Variants in CCDC91 observed in about 807,000 individuals in gnomAD.
The protein encoded by CCDC91 is coiled-coil domain containing 91.
Under a neutral mutation model 63.2 loss-of-function variants are expected in CCDC91, and 48 were observed. The ratio of observed to expected loss-of-function variants is 0.76; its 90% CI spans 0.60 to 0.97. The LOEUF (loss-of-function observed/expected upper bound fraction) is 0.97, where lower values mean the gene tolerates loss of function less well. CCDC91 is among the 50% of genes least tolerant of loss of function. The probability of loss-of-function intolerance (pLI) is 0.00; values close to 1 mark genes in which losing one functional copy is unlikely to be tolerated. For missense variants in CCDC91, 500 were observed against 494.6 expected (o/e 1.01, Z -0.10); for synonymous variants, 167 against 165.8 (o/e 1.01, Z -0.06).
intron 11 of CCDC91, among the ~76,000 whole-genome samples, chr12:28,453,839 C>A (rs1949932824): frequency 6.6e-6 from 1 of 151,854 alleles, no homozygotes; most frequent in Non-Finnish European, 1.5e-5. Flanking sequence ...GTTTTATGAC[C>A]CCGAACATTC....
intron 8 of CCDC91, among the ~76,000 whole-genome samples, chr12:28,411,252 G>C (rs1392457482): frequency 2.0e-5 from 3 of 151,696 alleles, no homozygotes; most frequent in African/African-American, 7.3e-5. Context: ...AAAAAAGTAT[G>C]TTTTAAAATT....
At position 28,340,039 on chromosome 12, in the gene CCDC91, C is replaced by T. The variant is rs548950953; in HGVS notation, c.577-22399C>T. 5.1e-4 allele frequency among the ~76,000 whole-genome samples: 77 copies of T among 152,208 alleles called. 1 individual carries two copies. The South Asian group carries it at 0.013, about 26-fold the overall frequency. On this transcript the variant is annotated intron_variant, in intron 6 of 12. Coordinates refer to ENST00000536442, the MANE Select transcript of CCDC91 (RefSeq NM_018318.5). Reference sequence around the variant, plus strand: ...TACCAGTGGTTGCTAAATATTTTGACATTAAGACCCCTTTACACTCTCAGT... The same window carrying T: ...TACCAGTGGTTGCTAAATATTTTGATATTAAGACCCCTTTACACTCTCAGT...
At chr12:28,411,308 CAT>C (rs774177019) in intron 8 of CCDC91, among the ~76,000 whole-genome samples, 8 of 152,020 alleles carry the variant, frequency 5.3e-5, no homozygotes, top group Non-Finnish European at 8.8e-5. Flanking sequence ...GTTTTTAAAA[CAT>C]ATGATTTCCT....
intron 1 of CCDC91, among the ~76,000 whole-genome samples, chr12:28,201,531 C>T (rs1466661591): frequency 1.4e-5 from 2 of 140,290 alleles, no homozygotes; most frequent in Non-Finnish European, 3.2e-5. Flanking sequence ...AGAGACGCTC[C>T]TCACTTTCCA....
chr12:28,436,409 C>T (rs1290727618), intron 8 of CCDC91, among the ~76,000 whole-genome samples: 5 of 151,700 alleles, frequency 3.3e-5, no homozygotes, highest in African/African-American at 1.2e-4. Flanking sequence ...TCCATTCTGT[C>T]CCTTGTATCT....
intron 1 of CCDC91, among the ~76,000 whole-genome samples, chr12:28,193,594 C>T (rs1318482119): frequency 1.4e-5 from 2 of 142,704 alleles, no homozygotes. Flanking sequence ...AGTGAAACTC[C>T]GTCTCAAAAA....
chr12:28,242,272 CCTT>C (rs1325266599), intron 1 of CCDC91, among the ~76,000 whole-genome samples: 1 of 152,088 alleles, frequency 6.6e-6, no homozygotes, highest in African/African-American at 2.4e-5. Context: ...ACCCAGATGT[CCTT>C]CTCATTACAA....
chr12:28,225,095 G>A (rs1257669857), intron 1 of CCDC91, among the ~76,000 whole-genome samples: 1 of 152,048 alleles, frequency 6.6e-6, no homozygotes, highest in Non-Finnish European at 1.5e-5. Context: ...CACTACCTTG[G>A]GATCTCTTCT....
intron 1 of CCDC91, among the ~76,000 whole-genome samples, chr12:28,231,678 A>T (rs1944611136): frequency 6.7e-6 from 1 of 149,462 alleles, no homozygotes; most frequent in Non-Finnish European, 1.5e-5. Context: ...CCTTTCTTCT[A>T]TTAATAATTT....
At chr12:28,259,930 A>G (rs1946719911) in intron 3 of CCDC91, among the ~76,000 whole-genome samples, 3 of 152,018 alleles carry the variant, frequency 2.0e-5, no homozygotes, top group Non-Finnish European at 4.4e-5. Flanking sequence ...CCTCATGTTT[A>G]ATATTAATTT....
At chr12:28,235,585 G>A (rs565518635) in intron 1 of CCDC91, among the ~76,000 whole-genome samples, 4 of 84,722 alleles carry the variant, frequency 4.7e-5, no homozygotes, top group East Asian at 6.9e-4. Flanking sequence ...AGTTAATGCC[G>A]CATAGCATTA....
intron 1 of CCDC91, among the ~76,000 whole-genome samples, chr12:28,227,694 T>C (rs964942901): frequency 6.6e-6 from 1 of 152,072 alleles, no homozygotes; most frequent in Non-Finnish European, 1.5e-5. Flanking sequence ...ACCTCTTACT[T>C]TGGATTATTA....
intron 3 of CCDC91, among the ~76,000 whole-genome samples, chr12:28,260,829 G>C (rs1253827017): frequency 2.0e-5 from 3 of 151,962 alleles, no homozygotes; most frequent in Non-Finnish European, 2.9e-5. Flanking sequence ...GAAATGGATA[G>C]GGAGAGCTGG....
At chr12:28,491,685 A>G (rs73087912) in intron 12 of CCDC91, among the ~76,000 whole-genome samples, 2,203 of 151,954 alleles carry the variant, frequency 0.014, 19 homozygotes, top group African/African-American at 0.021. Flanking sequence ...GCAAATTTAT[A>G]TATAAAAATT....
intron 1 of CCDC91, among the ~76,000 whole-genome samples, chr12:28,228,895 C>T (rs548517628): frequency 9.9e-5 from 15 of 152,232 alleles, no homozygotes; most frequent in African/African-American, 3.6e-4. Flanking sequence ...GTATATTTAT[C>T]TGTACATTTT....
intron 11 of CCDC91, among the ~76,000 whole-genome samples, chr12:28,453,686 A>G (rs1444004561): frequency 1.3e-5 from 2 of 151,944 alleles, no homozygotes; most frequent in African/African-American, 4.8e-5. Context: ...ATTACCTTCT[A>G]ATTCTTACCG....
chr12:28,508,839 C>T (rs896063914), intron 12 of CCDC91, among the ~76,000 whole-genome samples: 17 of 151,896 alleles, frequency 1.1e-4, no homozygotes, highest in Non-Finnish European at 2.4e-4. Flanking sequence ...CCCTCGGTTC[C>T]TGAACCCATA....
At chr12:28,306,590 C>A in intron 4 of CCDC91, 152 bp from the exon 5 acceptor site, 5 of 514,158 alleles carry the variant, frequency 9.7e-6, no homozygotes, top group Non-Finnish European at 1.3e-5. Context: ...AGTTTGAGGT[C>A]TTCTCTTGAT....
intron 8 of CCDC91, among the ~76,000 whole-genome samples, chr12:28,409,684 T>A (rs1947196898): frequency 6.6e-6 from 1 of 152,146 alleles, no homozygotes; most frequent in Non-Finnish European, 1.5e-5. Context: ...TTTAATGATA[T>A]ATATGTCCTT....
Sources: allele counts gnomAD v4.1 joint callset (sites outside exome capture counted in the v4.1 genomes callset), GRCh38; gene constraint gnomAD v4.1.1; transcripts MANE v1.5; gene names NCBI Gene and HGNC (gene_info 2026-07-23, HGNC 2026-07-21).